The following ZNF385D variants were observed in gnomAD, a reference collection of about 807,000 sequenced individuals.
The protein encoded by ZNF385D is zinc finger protein 385D, also known as zinc finger protein 659.
ZNF385D carries 15 observed loss-of-function variants against 35.8 expected under a neutral mutation model. The observed-to-expected ratio is 0.42, with a 90% CI of 0.28 to 0.64. The LOEUF is 0.64. ZNF385D is among the 30% of genes least tolerant of loss of function. ZNF385D has a pLI of 0.23. For synonymous variants in ZNF385D, 212 were observed against 186.8 expected, an observed-to-expected ratio of 1.13 and a Z score of -1.10; for missense variants, 474 against 494.6, an observed-to-expected ratio of 0.96 and a Z score of 0.39.
intron 2 of ZNF385D, among the ~76,000 whole-genome samples, chr3:21,654,768 T>C (rs1026075211): frequency 4.0e-5 from 6 of 151,812 alleles, no homozygotes; most frequent in Non-Finnish European, 7.4e-5. Flanking sequence ...TAAGTTGCTA[T>C]AAATACCTCT....
chr3:22,253,832 C>T (rs555040204), intron 2 of ZNF385D, among the ~76,000 whole-genome samples: 1 of 135,230 alleles, frequency 7.4e-6, no homozygotes, highest in Non-Finnish European at 1.7e-5. Flanking sequence ...AGAGAAAAAT[C>T]CAGAAACAAA....
At chr3:21,874,678 C>G (rs973544436) in intron 3 of ZNF385D, among the ~76,000 whole-genome samples, 1 of 152,010 alleles carries the variant, frequency 6.6e-6, no homozygotes, top group Non-Finnish European at 1.5e-5. Flanking sequence ...TGTGAGGTCT[C>G]TAGCTTTGTT....
At position 21,415,069 on chromosome 3, in the gene ZNF385D, A is replaced by G. The variant is rs1197903536; in HGVS notation, c.*6145T>C. 6.6e-6 allele frequency: 1 copy of G among 152,148 alleles called. No individual in the cohort carries two copies. The highest frequency in any genetic ancestry group is 1.5e-5 in the Non-Finnish European group (1 of 68,016). The allele number at this position is 152,148 out of a possible 1,614,324, so 9.4% of individuals were successfully genotyped here. A position where few individuals can be genotyped will look rare whatever the true frequency, so the allele number is the denominator to read the frequency against. On this transcript the variant is annotated 3_prime_UTR_variant, in exon 8 of 8. Coordinates refer to ENST00000281523, the MANE Select transcript of ZNF385D (RefSeq NM_024697.3). ...TAAAACCCATATCATTATTTTGGTTAACAAAATTTAACACACTTCACTATA... is the reference window on the plus strand; with the variant it reads ...TAAAACCCATATCATTATTTTGGTTGACAAAATTTAACACACTTCACTATA...
chr3:22,114,675 G>A (rs78310141), intron 3 of ZNF385D, among the ~76,000 whole-genome samples: 3,932 of 152,140 alleles, frequency 0.026, 147 homozygotes, highest in African/African-American at 0.087. Flanking sequence ...TCCCAGGTCA[G>A]GGGTGAAGAT....
intron 3 of ZNF385D, among the ~76,000 whole-genome samples, chr3:21,786,567 T>G (rs1432818355): frequency 6.6e-6 from 1 of 152,194 alleles, no homozygotes; most frequent in African/African-American, 2.4e-5. Context: ...TATCTTTGAA[T>G]CAATCTATGC....
At chr3:21,594,083 G>A (rs1172992643) in intron 2 of ZNF385D, among the ~76,000 whole-genome samples, 1 of 152,154 alleles carries the variant, frequency 6.6e-6, no homozygotes, top group African/African-American at 2.4e-5. Context: ...GGAATGAAAG[G>A]CAAGAAGCAA....
intron 3 of ZNF385D, chr3:21,979,673 A>G (rs551742941): frequency 6.6e-6 from 1 of 152,322 alleles, no homozygotes; most frequent in African/African-American, 2.4e-5. Flanking sequence ...CTTTTCAGAT[A>G]TTGTATCTCA....
chr3:21,648,630 T>G (rs1475880697), intron 2 of ZNF385D, among the ~76,000 whole-genome samples: 1 of 152,172 alleles, frequency 6.6e-6, no homozygotes, highest in Non-Finnish European at 1.5e-5. Context: ...CTCTGTATGA[T>G]TCTATAAGAA....
chr3:22,263,853 C>T (rs1371975880), intron 2 of ZNF385D, among the ~76,000 whole-genome samples: 1 of 151,846 alleles, frequency 6.6e-6, no homozygotes, highest in Non-Finnish European at 1.5e-5. Flanking sequence ...AATGCCCTCC[C>T]ATGCACAGGA....
intron 3 of ZNF385D, among the ~76,000 whole-genome samples, chr3:22,122,501 C>G (rs183682613): frequency 6.6e-6 from 1 of 151,986 alleles, no homozygotes; most frequent in Non-Finnish European, 1.5e-5. Flanking sequence ...ATATTGAGCA[C>G]TAAATATATG....
At chr3:21,920,355 C>T (rs1176283548) in intron 3 of ZNF385D, among the ~76,000 whole-genome samples, 1 of 152,186 alleles carries the variant, frequency 6.6e-6, no homozygotes, top group Non-Finnish European at 1.5e-5. Context: ...AAATTGCTTG[C>T]TGTAACTCCA....
intron 3 of ZNF385D, among the ~76,000 whole-genome samples, chr3:22,155,043 T>C (rs990983321): frequency 6.6e-6 from 1 of 152,154 alleles, no homozygotes; most frequent in Admixed American, 6.6e-5. Context: ...TTAAACATCA[T>C]TGTATAATTG....
chr3:21,736,995 A>G (rs912760828), intron 1 of ZNF385D, among the ~76,000 whole-genome samples: 1 of 152,116 alleles, frequency 6.6e-6, no homozygotes. Flanking sequence ...GCTGGAGTAC[A>G]GTGGCACAAT....
At chr3:21,792,091 A>T (rs182264945) in intron 3 of ZNF385D, among the ~76,000 whole-genome samples, 25 of 152,342 alleles carry the variant, frequency 1.6e-4, no homozygotes, top group Admixed American at 1.0e-3. Context: ...GAATCAAAAG[A>T]TGGAGGGCCC....
At chr3:21,741,609 G>A (rs2069518207) in intron 1 of ZNF385D, among the ~76,000 whole-genome samples, 1 of 140,444 alleles carries the variant, frequency 7.1e-6, no homozygotes, top group Non-Finnish European at 1.5e-5. Context: ...ATTCTATACA[G>A]GAAGGGCAGA....
At chr3:22,359,207 T>A (rs1365374061) in intron 2 of ZNF385D, among the ~76,000 whole-genome samples, 1 of 151,744 alleles carries the variant, frequency 6.6e-6, no homozygotes, top group Non-Finnish European at 1.5e-5. Flanking sequence ...AGGTCTACCA[T>A]CATTAGTTAA....
At chr3:22,143,808 C>T (rs17594205) in intron 3 of ZNF385D, among the ~76,000 whole-genome samples, 7,396 of 152,132 alleles carry the variant, frequency 0.049, 240 homozygotes, top group Non-Finnish European at 0.076. Flanking sequence ...ATCTTCCAGC[C>T]CAGTAAAACT....
At chr3:21,888,805 TGCC>T (rs1446119859) in intron 3 of ZNF385D, among the ~76,000 whole-genome samples, 1 of 152,170 alleles carries the variant, frequency 6.6e-6, no homozygotes, top group Non-Finnish European at 1.5e-5. Context: ...CAAAATGAGG[TGCC>T]TGTTCATCTA....
intron 4 of ZNF385D, among the ~76,000 whole-genome samples, chr3:21,454,008 T>C (rs1460800375): frequency 6.6e-6 from 1 of 152,098 alleles, no homozygotes; most frequent in African/African-American, 2.4e-5. Flanking sequence ...AGAATATATA[T>C]TCAATCATAT....
Sources: allele counts gnomAD v4.1 joint callset (sites outside exome capture counted in the v4.1 genomes callset), GRCh38; gene constraint gnomAD v4.1.1; transcripts MANE v1.5; gene names NCBI Gene and HGNC (gene_info 2026-07-23, HGNC 2026-07-21).